SGCD: variants seen among roughly 807,000 people sequenced by gnomAD.
The protein encoded by SGCD is sarcoglycan delta, also known as delta-sarcoglycan.
In SGCD, 18 loss-of-function variants were observed where a neutral mutation model predicts 36.6. The observed-to-expected ratio is 0.49, with a 90% CI of 0.34 to 0.73. The LOEUF (loss-of-function observed/expected upper bound fraction) is 0.73. SGCD is among the 30% of genes least tolerant of loss of function. The pLI is 0.01. For missense variants in SGCD, 387 were observed against 346.7 expected (o/e 1.12, Z -0.92); for synonymous variants, 133 against 130.6 (o/e 1.02, Z -0.12).
intron 3 of SGCD, among the ~76,000 whole-genome samples, chr5:156,373,354 A>G (rs1770489834): frequency 6.6e-6 from 1 of 152,170 alleles, no homozygotes; most frequent in African/African-American, 2.4e-5. Context: ...TTTTAGTTTT[A>G]ATGTTCCCTC....
At chr5:156,573,987 C>T (rs1759825795) in intron 4 of SGCD, among the ~76,000 whole-genome samples, 1 of 152,126 alleles carries the variant, frequency 6.6e-6, no homozygotes, top group Non-Finnish European at 1.5e-5. Context: ...GCCACTGCAC[C>T]CATCCCCATC....
At chr5:156,243,770 G>A (rs1275658889) in intron 3 of SGCD, among the ~76,000 whole-genome samples, 1 of 152,184 alleles carries the variant, frequency 6.6e-6, no homozygotes, top group East Asian at 1.9e-4. Context: ...TTGCAATAAA[G>A]CAAGCAAGTG....
rs570919648 is a variant in SGCD at position 156,572,828 on chromosome 5, G to A, written c.295-16403G>A. Among the ~76,000 whole-genome samples, 3 of 152,236 alleles carry A rather than the reference G, an allele frequency of 2.0e-5. No homozygotes were observed. In the South Asian group the frequency reaches 6.2e-4, roughly 32 times the overall value. On this transcript the variant is annotated intron_variant, in intron 4 of 8. Transcript: ENST00000337851. ...ATGTAGACATTAGCTAGTTAAGTGA[G>A]GAGAGTGGAGAATATATGTGCTTTT...
intron 1 of SGCD, among the ~76,000 whole-genome samples, chr5:156,077,985 A>C (rs1760835492): frequency 6.6e-6 from 1 of 152,060 alleles, no homozygotes; most frequent in South Asian, 2.1e-4. Context: ...CTTTAACTTT[A>C]CTTTCTTATG....
At chr5:155,886,279 TC>T (rs757901695) in intron 1 of SGCD, among the ~76,000 whole-genome samples, 1 of 152,134 alleles carries the variant, frequency 6.6e-6, no homozygotes, top group Non-Finnish European at 1.5e-5. Context: ...GATGTGGAGC[TC>T]CCTGGCCATC....
chr5:156,018,984 TGTCA>T (rs1361526767), intron 1 of SGCD, among the ~76,000 whole-genome samples: 2 of 152,224 alleles, frequency 1.3e-5, no homozygotes, highest in Admixed American at 1.3e-4. Flanking sequence ...GGAAAAAATC[TGTCA>T]GTCAGGGAAA....
In SGCD at chr5:156,229,297, T is replaced by TACACATATATATATATATAA. The variant is rs757678815; in HGVS notation, c.-43-100236_-43-100235insCACATATATATATATATAAA. 5.3e-4 allele frequency among the ~76,000 whole-genome samples: 63 copies of TACACATATATATATATATAA among 119,864 alleles called. 2 individuals carry two copies. Among genetic ancestry groups the TACACATATATATATATATAA allele is most frequent in the Middle Eastern group, 4.1e-3 (1 of 246 alleles). 78.6% of individuals were successfully genotyped at this position (119,864 alleles called of 152,430 possible). ...ACATACATATATATATATATATATATATAAAATTAGTTCTTCCATTGGTTC... is the reference window on the plus strand; with the variant it reads ...ACATACATATATATATATATATATATACACATATATATATATATAAATAAAATTAGTTCTTCCATTGGTTC... On this transcript the variant is annotated intron_variant, in intron 3 of 9. Coordinates refer to the SGCD transcript ENST00000517913.
At chr5:156,618,394 A>G (rs1762099459) in intron 6 of SGCD, among the ~76,000 whole-genome samples, 1 of 152,174 alleles carries the variant, frequency 6.6e-6, no homozygotes, top group African/African-American at 2.4e-5. Flanking sequence ...TACAGGAATA[A>G]TGTATTAGAT....
In SGCD at chr5:156,498,593, C is replaced by A. The variant is rs1171540993; in HGVS notation, c.193-10008C>A. On this transcript the variant is annotated intron_variant, in intron 3 of 8. Transcript: ENST00000337851. The stretch of plus-strand genomic sequence containing the variant: ...GGTTTGTCCATGTTATAGCATGTAC[C>A]TGTATTTCATTTCTTTTGATTGCTA... 3.3e-5 allele frequency among the ~76,000 whole-genome samples: 5 copies of A among 152,116 alleles called. No homozygotes were observed. The East Asian group carries it at 9.6e-4, about 29-fold the overall frequency.
intron 3 of SGCD, among the ~76,000 whole-genome samples, chr5:156,207,995 AG>A (rs1246639290): frequency 6.6e-6 from 1 of 152,210 alleles, no homozygotes; most frequent in East Asian, 1.9e-4. Flanking sequence ...AGATATGAAA[AG>A]TTAGACACAC....
chr5:155,777,027 T>C, the SGCD span, among the ~76,000 whole-genome samples: 1 of 152,116 alleles, frequency 6.6e-6, no homozygotes, highest in African/African-American at 2.4e-5. Flanking sequence ...GCACCTTAGC[T>C]TGAGAAAGAT....
intron 3 of SGCD, among the ~76,000 whole-genome samples, chr5:156,489,577 G>C (rs988921423): frequency 6.6e-6 from 1 of 151,992 alleles, no homozygotes; most frequent in African/African-American, 2.4e-5. Context: ...CAGGAACTTT[G>C]GAAACTGTGC....
At chr5:156,553,669 G>C (rs1484237856) in intron 4 of SGCD, among the ~76,000 whole-genome samples, 1 of 152,058 alleles carries the variant, frequency 6.6e-6, no homozygotes, top group Non-Finnish European at 1.5e-5. Flanking sequence ...CTATCTCTAT[G>C]GGTCTAGTCT....
intron 7 of SGCD, among the ~76,000 whole-genome samples, chr5:156,649,902 C>T (rs891336006): frequency 2.6e-5 from 4 of 151,768 alleles, no homozygotes; most frequent in African/African-American, 9.7e-5. Flanking sequence ...AAATACAGTA[C>T]AGATATTTTT....
chr5:155,820,515 T>C, the SGCD span, among the ~76,000 whole-genome samples: 1 of 151,762 alleles, frequency 6.6e-6, no homozygotes, highest in Non-Finnish European at 1.5e-5. Context: ...AAAAAATAAA[T>C]AAATGAATAA....
At chr5:156,585,326 A>G (rs1760448868) in intron 4 of SGCD, among the ~76,000 whole-genome samples, 1 of 152,220 alleles carries the variant, frequency 6.6e-6, no homozygotes. Context: ...TGCTTTTAAA[A>G]GGATCAATTC....
chr5:156,069,215 T>A (rs1386937844), intron 1 of SGCD, among the ~76,000 whole-genome samples: 3 of 152,140 alleles, frequency 2.0e-5, no homozygotes, highest in Admixed American at 2.0e-4. Context: ...ATGTCCTGAA[T>A]GGTAATGCCT....
In SGCD at chr5:156,455,169, T is replaced by C. The variant is rs544850639; in HGVS notation, c.193-53432T>C. ...TGTCCTGCATAAAGATATACCAAAG[T>C]CCTTAGGCAATTACAACAGCTTTAC... On this transcript the variant is annotated intron_variant, in intron 3 of 8. Transcript: ENST00000337851. 5.3e-4 allele frequency among the ~76,000 whole-genome samples: 81 copies of C among 152,258 alleles called. 1 individual carries two copies. The highest frequency in any genetic ancestry group is 1.9e-3 in the African/African-American group (80 of 41,558).
intron 3 of SGCD, among the ~76,000 whole-genome samples, chr5:156,229,277 C>T (rs7730494): frequency 0.02 from 1,091 of 55,618 alleles, 48 homozygotes; most frequent in African/African-American, 0.07. Context: ...TATATACATA[C>T]ATATATATAT....
Sources: gnomAD v4.1 joint callset for allele counts (sites outside exome capture counted in the v4.1 genomes callset) on GRCh38, gnomAD v4.1.1 for gene constraint, MANE v1.5 for transcripts, NCBI Gene and HGNC (gene_info 2026-07-23, HGNC 2026-07-21) for gene names.